Variants in WWOX observed in about 807,000 individuals in gnomAD.
The protein encoded by WWOX is WW domain-containing oxidoreductase.
WWOX carries 69 observed loss-of-function variants against 46.2 expected under a neutral mutation model. That is an observed-to-expected ratio of 1.49 (90% CI 1.23 to 1.82). The LOEUF is 1.82. Ranked by LOEUF, WWOX falls within the 40% of genes most tolerant of loss-of-function variation. The pLI, the probability that WWOX is intolerant of heterozygous loss-of-function variation, is 0.00. For missense variants in WWOX, 919 were observed against 542.6 expected, an observed-to-expected ratio of 1.69 and a Z score of -6.89; for synonymous variants, 359 against 202.6, an observed-to-expected ratio of 1.77 and a Z score of -6.56.
chr16:78,803,669 G>A (rs1255994086), intron 8 of WWOX, among the ~76,000 whole-genome samples: 2 of 151,972 alleles, frequency 1.3e-5, no homozygotes, highest in South Asian at 2.1e-4. Context: ...ATGTTGCCCA[G>A]GTTGCTCTCA....
At chr16:78,224,219 G>A (rs2036979741) in intron 5 of WWOX, among the ~76,000 whole-genome samples, 1 of 151,972 alleles carries the variant, frequency 6.6e-6, no homozygotes, top group Admixed American at 6.6e-5. Flanking sequence ...TAGCCAGGAT[G>A]GTCTCTATCT....
intron 4 of WWOX, among the ~76,000 whole-genome samples, chr16:78,133,710 A>G (rs1285912458): frequency 6.6e-6 from 1 of 152,230 alleles, no homozygotes; most frequent in Non-Finnish European, 1.5e-5. Context: ...ATAATTTCAA[A>G]TTAACCCCTG....
intron 8 of WWOX, among the ~76,000 whole-genome samples, chr16:78,580,849 C>T (rs1428395574): frequency 6.6e-6 from 1 of 152,196 alleles, no homozygotes; most frequent in Non-Finnish European, 1.5e-5. Flanking sequence ...GCCTCTTTCA[C>T]CTCAGACATG....
chr16:78,323,749 A>G (rs989079873), intron 5 of WWOX, among the ~76,000 whole-genome samples: 2 of 152,170 alleles, frequency 1.3e-5, no homozygotes, highest in East Asian at 1.9e-4. Flanking sequence ...GATAAATAAG[A>G]TTGCATGTTC....
At chr16:78,889,728 C>G (rs1235453859) in intron 8 of WWOX, among the ~76,000 whole-genome samples, 5 of 152,140 alleles carry the variant, frequency 3.3e-5, no homozygotes, top group East Asian at 3.9e-4. Flanking sequence ...ATTTTCCCCC[C>G]ATTTTAACTT....
intron 5 of WWOX, among the ~76,000 whole-genome samples, chr16:78,323,575 A>G (rs2080538573): frequency 6.6e-6 from 1 of 152,122 alleles, no homozygotes; most frequent in African/African-American, 2.4e-5. Flanking sequence ...AGAGGCGGGA[A>G]CCCCACTGAG....
At position 79,153,468 on chromosome 16, in the gene WWOX, C is replaced by T. The variant is rs62040668; in HGVS notation, c.1057-58140C>T. On this transcript the variant is annotated intron_variant, in intron 8 of 8. Transcript: ENST00000566780. ...TCATACCAAGTCATTTGGTTTACAT[C>T]GGGAATGCCTTTTGTCGTTATGTCT... 9.3e-3 allele frequency among the ~76,000 whole-genome samples: 1,413 copies of T among 152,194 alleles called. 9 individuals carry two copies. The highest frequency in any genetic ancestry group is 0.013 in the South Asian group (62 of 4,814).
At chr16:78,535,638 G>A (rs1024763209) in intron 8 of WWOX, 1 of 152,192 alleles carries the variant, frequency 6.6e-6, no homozygotes, top group Non-Finnish European at 1.5e-5. Flanking sequence ...CTGACTGTTA[G>A]TGAATAAAGG....
chr16:79,197,299 A>G (rs968298358), intron 8 of WWOX, among the ~76,000 whole-genome samples: 1 of 152,184 alleles, frequency 6.6e-6, no homozygotes, highest in Non-Finnish European at 1.5e-5. Context: ...TTACAGCTGT[A>G]TTCCACAGGT....
intron 6 of WWOX, among the ~76,000 whole-genome samples, chr16:78,424,617 G>A (rs568768102): frequency 7.9e-5 from 12 of 152,274 alleles, no homozygotes; most frequent in African/African-American, 2.4e-4. Context: ...TGAAAGTTCC[G>A]TATCCTAATA....
At chr16:78,351,613 A>G (rs185710654) in intron 5 of WWOX, among the ~76,000 whole-genome samples, 181 of 152,224 alleles carry the variant, frequency 1.2e-3, no homozygotes, top group Middle Eastern at 3.4e-3. Flanking sequence ...CTGGCTCTAT[A>G]TTGCACATAG....
intron 8 of WWOX, among the ~76,000 whole-genome samples, chr16:78,990,731 G>A (rs2046871430): frequency 6.6e-6 from 1 of 151,990 alleles, no homozygotes; most frequent in African/African-American, 2.4e-5. Context: ...AGGGAGGGAG[G>A]GAGACAGGGA....
At position 78,344,605 on chromosome 16, in the gene WWOX, C is replaced by T. The variant is rs374054301; in HGVS notation, c.517-42255C>T. 1.0e-3 allele frequency among the ~76,000 whole-genome samples: 126 copies of T among 121,266 alleles called. 36 individuals are homozygous for T. Among genetic ancestry groups the T allele is most frequent in the Middle Eastern group, 4.0e-3 (1 of 252 alleles). The allele number at this position is 121,266 out of a possible 152,430, so 79.6% of individuals were successfully genotyped here. A position where few individuals can be genotyped will look rare whatever the true frequency, so the allele number is the denominator to read the frequency against. ...GAGCTTGGCTATTATTCCCCTACTTCGGTAGATACTGGCTGTACAGAAGGG... is the reference window on the plus strand; with the variant it reads ...GAGCTTGGCTATTATTCCCCTACTTTGGTAGATACTGGCTGTACAGAAGGG... On this transcript the variant is annotated intron_variant, in intron 5 of 8. Transcript: ENST00000566780.
chr16:78,377,749 G>A (rs1055942102), intron 5 of WWOX, among the ~76,000 whole-genome samples: 1 of 152,102 alleles, frequency 6.6e-6, no homozygotes, highest in East Asian at 1.9e-4. Flanking sequence ...GCAAAATATT[G>A]CCAATTACTG....
Position 78,130,549 on chromosome 16 carries a change from A to C in WWOX, c.409+15395A>C, listed in dbSNP as rs576238965. On this transcript the variant is annotated intron_variant, in intron 4 of 8. Transcript: ENST00000566780. ...TCTATCAAGGAACATAGTTGCACTGAGGTTGAACAGAGCTGTTCCTATAGG... is the reference window on the plus strand; with the variant it reads ...TCTATCAAGGAACATAGTTGCACTGCGGTTGAACAGAGCTGTTCCTATAGG... Among the ~76,000 whole-genome samples, 17 of 152,296 alleles carry C rather than the reference A, an allele frequency of 1.1e-4. No individual in the cohort carries two copies. The East Asian group carries it at 3.3e-3, about 29-fold the overall frequency.
At chr16:78,942,653 A>C (rs1442298431) in intron 8 of WWOX, among the ~76,000 whole-genome samples, 1 of 152,238 alleles carries the variant, frequency 6.6e-6, no homozygotes, top group East Asian at 1.9e-4. Flanking sequence ...ACGTGGCATG[A>C]AGAGAAAATG....
intron 8 of WWOX, among the ~76,000 whole-genome samples, chr16:78,678,590 C>T (rs568974595): frequency 6.6e-6 from 1 of 152,054 alleles, no homozygotes; most frequent in African/African-American, 2.4e-5. Flanking sequence ...GTATAAAGAA[C>T]TACAATAGGC....
At chr16:78,111,300 A>T (rs1451037380) in intron 3 of WWOX, among the ~76,000 whole-genome samples, 1 of 152,266 alleles carries the variant, frequency 6.6e-6, no homozygotes, top group Non-Finnish European at 1.5e-5. Context: ...CAGGTTAGAT[A>T]TGGAGATGAT....
chr16:78,364,783 A>G (rs945330438), intron 5 of WWOX, among the ~76,000 whole-genome samples: 3 of 152,214 alleles, frequency 2.0e-5, no homozygotes, highest in South Asian at 4.1e-4. Context: ...CTTCCAGGGA[A>G]CAGTGTAGCA....
Sources: gnomAD v4.1 joint callset for allele counts (sites outside exome capture counted in the v4.1 genomes callset) on GRCh38, gnomAD v4.1.1 for gene constraint, MANE v1.5 for transcripts, NCBI Gene and HGNC (gene_info 2026-07-23, HGNC 2026-07-21) for gene names.